Variants in CACNA1E observed in about 807,000 individuals in gnomAD.
CACNA1E encodes the protein voltage-dependent R-type calcium channel subunit alpha-1E.
Under a neutral mutation model 259.2 loss-of-function variants are expected in CACNA1E, and 40 were observed. That is an observed-to-expected ratio of 0.15 (90% confidence interval 0.12 to 0.20). The LOEUF is 0.20. Ranked by LOEUF, CACNA1E falls within the 10% of genes least tolerant of loss-of-function variation. CACNA1E has a pLI of 1.00. For missense variants in CACNA1E, 1,874 were observed against 3,040.1 expected (o/e 0.62, Z 9.02); for synonymous variants, 1,104 against 1,138.5 (o/e 0.97, Z 0.61).
chr1:181,583,145 C>T (rs940074408), intron 6 of CACNA1E, among the ~76,000 whole-genome samples: 1 of 149,830 alleles, frequency 6.7e-6, no homozygotes, highest in Non-Finnish European at 1.5e-5. Flanking sequence ...CACACACACA[C>T]TTATACACAC....
At chr1:181,613,145 A>G (rs1044711193) in intron 6 of CACNA1E, among the ~76,000 whole-genome samples, 2 of 152,186 alleles carry the variant, frequency 1.3e-5, no homozygotes, top group Admixed American at 6.5e-5. Flanking sequence ...TAGCTTTATA[A>G]TAAAAGTCAT....
At chr1:181,600,053 C>T (rs1653586855) in intron 6 of CACNA1E, among the ~76,000 whole-genome samples, 1 of 152,110 alleles carries the variant, frequency 6.6e-6, no homozygotes, top group African/African-American at 2.4e-5. Context: ...GAGAGTGTTG[C>T]AGGGAGGCAG....
At chr1:181,360,347 C>A (rs1284302756) in intron 1 of CACNA1E, among the ~76,000 whole-genome samples, 1 of 152,158 alleles carries the variant, frequency 6.6e-6, no homozygotes, top group Non-Finnish European at 1.5e-5. Flanking sequence ...GAAAACAACA[C>A]AATGCCCATT....
At chr1:181,771,798 G>A (rs1179347880) in intron 36 of CACNA1E, among the ~76,000 whole-genome samples, 1 of 152,184 alleles carries the variant, frequency 6.6e-6, no homozygotes, top group Non-Finnish European at 1.5e-5. Context: ...AGATAGCCAG[G>A]TTTATGCTGG....
At chr1:181,542,207 A>G (rs949810467) in intron 3 of CACNA1E, among the ~76,000 whole-genome samples, 1 of 152,164 alleles carries the variant, frequency 6.6e-6, no homozygotes, top group African/African-American at 2.4e-5. Flanking sequence ...CTTGACTGCA[A>G]CCTCATGAGA....
At chr1:181,372,160 G>A (rs1183675103) in intron 1 of CACNA1E, among the ~76,000 whole-genome samples, 2 of 152,172 alleles carry the variant, frequency 1.3e-5, no homozygotes, top group African/African-American at 4.8e-5. Flanking sequence ...GGTAGGAATA[G>A]CACTGAATAT....
chr1:181,508,297 A>G (rs556344800), intron 1 of CACNA1E, among the ~76,000 whole-genome samples: 1 of 152,280 alleles, frequency 6.6e-6, no homozygotes, highest in African/African-American at 2.4e-5. Context: ...AAGTTCCTAT[A>G]GCACCAGTAT....
chr1:181,431,422 G>A (rs2102251953), intron 2 of CACNA1E, among the ~76,000 whole-genome samples: 1 of 152,270 alleles, frequency 6.6e-6, no homozygotes, highest in Admixed American at 6.5e-5. Flanking sequence ...AGATGGCATT[G>A]GTATATTCCA....
intron 3 of CACNA1E, among the ~76,000 whole-genome samples, chr1:181,514,389 G>T (rs1171849607): frequency 1.3e-5 from 2 of 152,174 alleles, no homozygotes; most frequent in Non-Finnish European, 2.9e-5. Context: ...TGAGTCATCT[G>T]GTACTCAAAG....
chr1:181,348,217 T>TG (rs765422701), intron 1 of CACNA1E, among the ~76,000 whole-genome samples: 14 of 151,360 alleles, frequency 9.2e-5, no homozygotes, highest in Admixed American at 2.0e-4. Flanking sequence ...GCAGTTGAGA[T>TG]GGGGGGTCAT....
chr1:181,565,393 C>T (rs1649718008), intron 3 of CACNA1E, among the ~76,000 whole-genome samples: 2 of 152,198 alleles, frequency 1.3e-5, no homozygotes, highest in Non-Finnish European at 2.9e-5. Context: ...CCTCTTGGCC[C>T]TGTAAGATTG....
intron 6 of CACNA1E, among the ~76,000 whole-genome samples, chr1:181,583,259 C>G (rs1372958505): frequency 6.6e-6 from 1 of 152,134 alleles, no homozygotes; most frequent in African/African-American, 2.4e-5. Flanking sequence ...AAAAATGACT[C>G]ACTAAGCATC....
chr1:181,356,581 T>A (rs535492347), intron 1 of CACNA1E, among the ~76,000 whole-genome samples: 52 of 152,174 alleles, frequency 3.4e-4, no homozygotes, highest in Non-Finnish European at 6.3e-4. Flanking sequence ...TGCTCTTGCC[T>A]TTGCACAGCC....
intron 3 of CACNA1E, among the ~76,000 whole-genome samples, chr1:181,520,495 G>A (rs1236535692): frequency 6.6e-6 from 1 of 151,934 alleles, no homozygotes; most frequent in Non-Finnish European, 1.5e-5. Flanking sequence ...AAAATACTAT[G>A]GTTCTGTAGA....
At chr1:181,716,949 C>T (rs1170511848) in intron 10 of CACNA1E, 144 bp from the exon 11 acceptor site, 8 of 658,644 alleles carry the variant, frequency 1.2e-5, no homozygotes, top group Non-Finnish European at 2.2e-5. Context: ...ACTACTGAGC[C>T]CGTAAGATGG....
intron 3 of CACNA1E, among the ~76,000 whole-genome samples, chr1:181,553,946 G>C (rs1392001872): frequency 6.6e-6 from 1 of 152,138 alleles, no homozygotes; most frequent in Non-Finnish European, 1.5e-5. Flanking sequence ...AGAAAGCAGA[G>C]CCACAGAGAG....
intron 43 of CACNA1E, among the ~76,000 whole-genome samples, chr1:181,786,493 AG>A (rs1660857973): frequency 6.6e-6 from 1 of 151,420 alleles, no homozygotes; most frequent in Non-Finnish European, 1.5e-5. Flanking sequence ...AATGAACAAA[AG>A]GGACCTTATT....
intron 4 of CACNA1E, among the ~76,000 whole-genome samples, chr1:181,578,689 C>T (rs1651220219): frequency 6.6e-6 from 1 of 152,210 alleles, no homozygotes. Context: ...AAATGTGCTG[C>T]AACAAACACC....
intron 1 of CACNA1E, among the ~76,000 whole-genome samples, chr1:181,374,923 T>C (rs377606820): frequency 6.6e-5 from 10 of 152,326 alleles, no homozygotes; most frequent in South Asian, 4.1e-4. Flanking sequence ...GAGCCATACG[T>C]ATAATTTTTG....
Sources: allele counts gnomAD v4.1 joint callset (sites outside exome capture counted in the v4.1 genomes callset), GRCh38; gene constraint gnomAD v4.1.1; transcripts MANE v1.5; gene names NCBI Gene and HGNC (gene_info 2026-07-23, HGNC 2026-07-21).